CDH18: variants seen among roughly 807,000 people sequenced by gnomAD.
CDH18 encodes the protein cadherin 18, also known as cadherin-18.
In CDH18, 31 loss-of-function variants were observed where a neutral mutation model predicts 67.9. That is an observed-to-expected ratio of 0.46 (90% CI 0.34 to 0.62). The LOEUF is 0.62. CDH18 is among the 20% of genes least tolerant of loss of function. The pLI is 0.01. For synonymous variants in CDH18, 362 were observed against 347.2 expected, an observed-to-expected ratio of 1.04 and a Z score of -0.48; for missense variants, 890 against 975.5, an observed-to-expected ratio of 0.91 and a Z score of 1.17.
At chr5:19,490,791 G>A (rs1741339738) in intron 11 of CDH18, among the ~76,000 whole-genome samples, 1 of 151,874 alleles carries the variant, frequency 6.6e-6, no homozygotes, top group Admixed American at 6.6e-5. Context: ...TCTTTCATTT[G>A]TGAGTAGGAG....
chr5:19,673,279 G>T (rs1759001641), intron 5 of CDH18, among the ~76,000 whole-genome samples: 1 of 151,968 alleles, frequency 6.6e-6, no homozygotes, highest in African/African-American at 2.4e-5. Context: ...TATAGGTTTA[G>T]AAAATATTTA....
intron 2 of CDH18, among the ~76,000 whole-genome samples, chr5:20,106,978 ATTAAT>A (rs1176088584): frequency 2.6e-5 from 4 of 152,268 alleles, no homozygotes; most frequent in East Asian, 1.9e-4. Context: ...TTTTGTTTGT[ATTAAT>A]TTATTTGAAA....
chr5:19,655,087 T>C (rs1215773798), intron 5 of CDH18, among the ~76,000 whole-genome samples: 1 of 152,166 alleles, frequency 6.6e-6, no homozygotes, highest in Non-Finnish European at 1.5e-5. Context: ...GCTGCAGTTT[T>C]CTAGGCTTGA....
At chr5:20,497,565 C>T (rs1407443854) in intron 1 of CDH18, among the ~76,000 whole-genome samples, 1 of 152,044 alleles carries the variant, frequency 6.6e-6, no homozygotes, top group Non-Finnish European at 1.5e-5. Context: ...TAAGTACACG[C>T]TGTGATGTTT....
chr5:20,368,017 G>A (rs1242773699), intron 1 of CDH18, among the ~76,000 whole-genome samples: 1 of 152,050 alleles, frequency 6.6e-6, no homozygotes, highest in African/African-American at 2.4e-5. Context: ...TTTTTATATT[G>A]GTCCTTATGT....
chr5:20,415,502 G>C (rs371612616), intron 1 of CDH18, among the ~76,000 whole-genome samples: 1 of 152,110 alleles, frequency 6.6e-6, no homozygotes, highest in Non-Finnish European at 1.5e-5. Flanking sequence ...GACTGGTTGC[G>C]GTGGCTCATG....
At chr5:19,991,068 A>T (rs180794144), upstream of CDH18, among the ~76,000 whole-genome samples, 37 of 152,344 alleles carry the variant, frequency 2.4e-4, no homozygotes, top group East Asian at 6.9e-3. Flanking sequence ...TGCTGGTCAG[A>T]CTATAGAAAC....
chr5:20,439,710 A>G (rs538440689), intron 1 of CDH18, among the ~76,000 whole-genome samples: 1 of 151,856 alleles, frequency 6.6e-6, no homozygotes, highest in Non-Finnish European at 1.5e-5. Context: ...ATATTGTCTG[A>G]GGTAAAATCT....
intron 2 of CDH18, among the ~76,000 whole-genome samples, chr5:20,218,895 T>C (rs907551313): frequency 1.1e-4 from 4 of 37,424 alleles, no homozygotes; most frequent in African/African-American, 2.6e-4. Context: ...GAGGGGAGTT[T>C]ATAGCAATAA....
intron 1 of CDH18, among the ~76,000 whole-genome samples, chr5:20,538,472 G>A (rs1374573282): frequency 6.6e-6 from 1 of 152,100 alleles, no homozygotes; most frequent in East Asian, 1.9e-4. Flanking sequence ...GAGCATGCAT[G>A]TCAGAATGAA....
intron 6 of CDH18, among the ~76,000 whole-genome samples, chr5:19,593,732 C>CTTTTTCTTG (rs1554055011): frequency 7.7e-6 from 1 of 129,140 alleles, no homozygotes; most frequent in Non-Finnish European, 1.6e-5. Flanking sequence ...TCTTCTTCTT[C>CTTTTTCTTG]TTCTTCTTCT....
intron 1 of CDH18, among the ~76,000 whole-genome samples, chr5:20,410,116 A>G (rs1246995684): frequency 2.0e-5 from 3 of 151,850 alleles, no homozygotes; most frequent in South Asian, 2.1e-4. Flanking sequence ...ACAGGAGTAA[A>G]CACTCATAAG....
chr5:20,319,850 T>A (rs917874158), intron 1 of CDH18, among the ~76,000 whole-genome samples: 1 of 152,220 alleles, frequency 6.6e-6, no homozygotes, highest in Non-Finnish European at 1.5e-5. Context: ...AGAGTCACTG[T>A]ATGCAGCTCC....
intron 1 of CDH18, among the ~76,000 whole-genome samples, chr5:20,307,763 T>G (rs746689415): frequency 7.3e-6 from 1 of 137,222 alleles, no homozygotes; most frequent in African/African-American, 3.6e-5. Context: ...ATTGTGTGAT[T>G]ATTATTAAAA....
chr5:19,755,622 C>A (rs1448235897), intron 3 of CDH18, among the ~76,000 whole-genome samples: 1 of 146,300 alleles, frequency 6.8e-6, no homozygotes, highest in Non-Finnish European at 1.5e-5. Flanking sequence ...ATACATATAT[C>A]TCCTATATAA....
At chr5:20,144,856 C>T (rs1220425903) in intron 2 of CDH18, among the ~76,000 whole-genome samples, 1 of 152,082 alleles carries the variant, frequency 6.6e-6, no homozygotes, top group Middle Eastern at 3.2e-3. Context: ...AGGGGGACAA[C>T]TGGACAGAGA....
intron 12 of CDH18, among the ~76,000 whole-genome samples, chr5:19,479,665 C>CG (rs1157562164): frequency 6.6e-6 from 1 of 152,146 alleles, no homozygotes; most frequent in South Asian, 2.1e-4. Context: ...CCCATTTATC[C>CG]GGAAATTTAT....
chr5:20,487,429 A>C (rs1255225646), intron 1 of CDH18, among the ~76,000 whole-genome samples: 2 of 150,000 alleles, frequency 1.3e-5, no homozygotes, highest in African/African-American at 2.4e-5. Context: ...TAATCAGAGA[A>C]AAATATAATC....
At chr5:20,499,259 T>G (rs1453459575) in intron 1 of CDH18, among the ~76,000 whole-genome samples, 1 of 152,090 alleles carries the variant, frequency 6.6e-6, no homozygotes, top group African/African-American at 2.4e-5. Flanking sequence ...TAAGCACATC[T>G]TCCTATATAT....
Sources: gnomAD v4.1 joint callset for allele counts (sites outside exome capture counted in the v4.1 genomes callset) on GRCh38, gnomAD v4.1.1 for gene constraint, MANE v1.5 for transcripts, NCBI Gene and HGNC (gene_info 2026-07-23, HGNC 2026-07-21) for gene names.